The following KPNB1 variants were observed in gnomAD, a reference collection of about 807,000 sequenced individuals.
KPNB1 encodes the protein importin subunit beta-1.
A neutral mutation model predicts 113.0 loss-of-function variants in KPNB1; 7 were observed. The ratio of observed to expected loss-of-function variants is 0.06; its 90% CI spans 0.04 to 0.12. The LOEUF (loss-of-function observed/expected upper bound fraction) is 0.12, where lower values mean the gene tolerates loss of function less well. Ranked by LOEUF, KPNB1 falls within the 10% of genes least tolerant of loss-of-function variation. The probability of loss-of-function intolerance (pLI) is 1.00; values close to 1 mark genes in which losing one functional copy is unlikely to be tolerated. For missense variants in KPNB1, 400 were observed against 1,054.8 expected, an observed-to-expected ratio of 0.38 and a Z score of 8.60; for synonymous variants, 363 against 378.6, an observed-to-expected ratio of 0.96 and a Z score of 0.48.
chr17:47,675,385 G>GTTTTTTTTTTTTTT (rs1462077639), intron 15 of KPNB1, among the ~76,000 whole-genome samples: 1 of 82,108 alleles, frequency 1.2e-5, no homozygotes, highest in Non-Finnish European at 2.3e-5. Flanking sequence ...TTTTTTTTTT[G>GTTTTTTTTTTTTTT]TTTGTTTTTT....
rs960403719 is a variant in KPNB1, at chr17:47,683,997, T to C, written c.*1593T>C. On this transcript the variant is annotated 3_prime_UTR_variant, in exon 22 of 22. Transcript: ENST00000290158. ...CAATAAGAAGGGATGTTGGTGAGCT[T>C]TGATCCTCTTTTGGTTTTGCAGTTG... 2.0e-5 allele frequency: 3 copies of C among 152,196 alleles called. No homozygotes were observed. Among genetic ancestry groups the C allele is most frequent in the Non-Finnish European group, 2.9e-5 (2 of 68,032 alleles). 9.4% of individuals were successfully genotyped at this position (152,196 alleles called of 1,614,324 possible).
chr17:47,682,380 A>G, intron 21 of KPNB1, 24 bp from the exon 22 acceptor site: 1 of 780,950 alleles, frequency 1.3e-6, no homozygotes, highest in East Asian at 2.4e-5. Context: ...TCAAAGATTG[A>G]CCTTTTTTTC....
rs1228410340 is a variant in KPNB1, at chr17:47,676,881, G to C, written c.1996-139G>C. On this transcript the variant is annotated intron_variant, in intron 16 of 21. Coordinates refer to ENST00000290158, the MANE Select transcript of KPNB1 (RefSeq NM_002265.6). ...GTCTTTGTTCCCTGCCTGCCATGTTGGTTGTTGAAAAATTAATCTCGGCAG... is the reference window on the plus strand; with the variant it reads ...GTCTTTGTTCCCTGCCTGCCATGTTCGTTGTTGAAAAATTAATCTCGGCAG... The C allele has an allele frequency of 5.2e-6, 3 of 582,194 alleles. No homozygotes were observed. The African/African-American group carries it at 5.9e-5, about 11-fold the overall frequency. 36.1% of individuals were successfully genotyped at this position (582,194 alleles called of 1,614,324 possible).
intron 13 of KPNB1, 40 bp downstream of exon 13, chr17:47,673,205 G>A: frequency 1.3e-6 from 2 of 1,596,196 alleles, no homozygotes; most frequent in Non-Finnish European, 1.7e-6. Context: ...GTGGGAATTG[G>A]GTAGTACTTT....
intron 19 of KPNB1, 95 bp downstream of exon 19, chr17:47,678,508 A>C (rs915494363): frequency 1.1e-5 from 9 of 837,480 alleles, no homozygotes; most frequent in Non-Finnish European, 1.8e-5. Context: ...TTGTGAACCT[A>C]GTGCCTGTTG....
intron 4 of KPNB1, among the ~76,000 whole-genome samples, chr17:47,657,539 A>G (rs2029944299): frequency 1.3e-5 from 2 of 152,202 alleles, no homozygotes; most frequent in South Asian, 2.1e-4. Context: ...ATTTTAATAT[A>G]TAGACTTTAT....
intron 5 of KPNB1, among the ~76,000 whole-genome samples, chr17:47,659,130 T>C (rs563197735): frequency 6.6e-6 from 1 of 152,040 alleles, no homozygotes; most frequent in South Asian, 2.1e-4. Flanking sequence ...GGGTGGATCA[T>C]CAGGTCAGGA....
intron 12 of KPNB1, among the ~76,000 whole-genome samples, 171 bp downstream of exon 12, chr17:47,671,003 C>T: frequency 6.6e-6 from 1 of 152,272 alleles, no homozygotes; most frequent in Non-Finnish European, 1.5e-5. Context: ...CGCCTATATT[C>T]CCAGCACTTT....
intron 15 of KPNB1, 98 bp from the exon 16 acceptor site, chr17:47,676,311 G>C (rs1245737649): frequency 7.1e-6 from 6 of 844,330 alleles, no homozygotes; most frequent in African/African-American, 1.7e-5. Flanking sequence ...CTGTTGAGTG[G>C]AGCGAGTACA....
rs757193739 is a variant in KPNB1 at position 47,678,202 on chromosome 17, C to T, written c.2247+13C>T. 6.8e-6 allele frequency: 11 copies of T among 1,613,774 alleles called. No individual in the cohort carries two copies. The highest frequency in any genetic ancestry group is 1.1e-5 in the South Asian group (1 of 91,078). On this transcript the variant is annotated intron_variant, in intron 18 of 21. Coordinates refer to ENST00000290158, the MANE Select transcript of KPNB1 (RefSeq NM_002265.6). ...CCAGGTGGACAAGGTAAGCTTAAAG[C>T]TATCTTGGCTGTTCTTTAAGTCTAG... is the stretch of plus-strand genomic sequence containing the variant.
In KPNB1 at chr17:47,652,890, A is replaced by G. The variant is rs750713418; in HGVS notation, c.282+14A>G. ...GTCAAGAACTATGTGAGTAACGCTT[A>G]TCTGTTTGGTTATATTGCCCAGAGA... is the stretch of plus-strand genomic sequence containing the variant. On this transcript the variant is annotated intron_variant, in intron 3 of 21. Coordinates refer to ENST00000290158, the MANE Select transcript of KPNB1 (RefSeq NM_002265.6). 2 of 1,548,604 alleles carry G rather than the reference A, an allele frequency of 1.3e-6. No individual in the cohort carries two copies. The highest frequency in any genetic ancestry group is 1.7e-6 in the Non-Finnish European group (2 of 1,151,358).
chr17:47,672,429 G>A (rs562113123), intron 12 of KPNB1, among the ~76,000 whole-genome samples: 4 of 150,478 alleles, frequency 2.7e-5, no homozygotes, highest in African/African-American at 7.4e-5. Flanking sequence ...ACGGAGTTTC[G>A]GTCTTGTTGC....
intron 5 of KPNB1, among the ~76,000 whole-genome samples, chr17:47,659,039 A>G (rs1397955739): frequency 6.6e-6 from 1 of 151,984 alleles, no homozygotes; most frequent in Non-Finnish European, 1.5e-5. Context: ...AAAGTCAGAT[A>G]TCGTCCCTTA....
chr17:47,673,594 G>C (rs774485491), intron 14 of KPNB1, 33 bp downstream of exon 14: 1 of 1,502,438 alleles, frequency 6.7e-7, no homozygotes, highest in Non-Finnish European at 9.3e-7. Context: ...AATAACTCCA[G>C]GTTGGAGAAT....
In KPNB1 at chr17:47,682,663, C is replaced by G. The variant is rs2030819306; in HGVS notation, c.*259C>G. The G allele has an allele frequency of 3.8e-6, 2 of 531,582 alleles. No homozygotes were observed. The highest frequency in any genetic ancestry group is 3.9e-5 in the African/African-American group (2 of 51,596). 32.9% of individuals were successfully genotyped at this position (531,582 alleles called of 1,614,324 possible). On this transcript the variant is annotated 3_prime_UTR_variant, in exon 22 of 22. Transcript: ENST00000290158. ...TCGGCCATCTTGGAAAAGAGAAAAA[C>G]AATGGAGTTACTTATTTAAAAAAAA...
intron 8 of KPNB1, 64 bp downstream of exon 8, chr17:47,664,333 T>C: frequency 9.3e-7 from 1 of 1,073,150 alleles, no homozygotes; most frequent in East Asian, 2.4e-5. Context: ...TGGATGATGT[T>C]CCCCTTCTAG....
intron 8 of KPNB1, among the ~76,000 whole-genome samples, 177 bp downstream of exon 8, chr17:47,664,446 G>A (rs1449941657): frequency 6.6e-6 from 1 of 152,112 alleles, no homozygotes; most frequent in Non-Finnish European, 1.5e-5. Flanking sequence ...TCAGTAATGA[G>A]GGCTCACGTT....
intron 4 of KPNB1, 144 bp from the exon 5 acceptor site, chr17:47,658,364 C>T: frequency 1.3e-6 from 1 of 747,150 alleles, no homozygotes; most frequent in Non-Finnish European, 2.1e-6. Context: ...GGTGTACATG[C>T]ACCTTTTGGT....
chr17:47,664,551 G>T (rs183448117), intron 8 of KPNB1, among the ~76,000 whole-genome samples: 1 of 152,130 alleles, frequency 6.6e-6, no homozygotes. Context: ...CCAAGGTGAT[G>T]CCTGATGCTG....
Sources: allele counts gnomAD v4.1 joint callset (sites outside exome capture counted in the v4.1 genomes callset), GRCh38; gene constraint gnomAD v4.1.1; transcripts MANE v1.5; gene names NCBI Gene and HGNC (gene_info 2026-07-23, HGNC 2026-07-21).